The following RFX4 variants were observed in gnomAD, a reference collection of about 807,000 sequenced individuals.
RFX4 encodes the protein regulatory factor X4.
In RFX4, 10 loss-of-function variants were observed where a neutral mutation model predicts 95.0. That is an observed-to-expected ratio of 0.11 (90% CI 0.06 to 0.18). The LOEUF (loss-of-function observed/expected upper bound fraction) is 0.18. Ranked by LOEUF, RFX4 falls within the 10% of genes least tolerant of loss-of-function variation. The pLI is 1.00. For missense variants in RFX4, 640 were observed against 922.0 expected (o/e 0.69, Z 3.96); for synonymous variants, 321 against 340.7 (o/e 0.94, Z 0.64).
Position 106,747,482 on chromosome 12 carries a change from C to T in RFX4, c.1679C>T (p.Thr560Met), listed in dbSNP as rs757682336. 4.3e-6 allele frequency: 7 copies of T among 1,614,060 alleles called. No homozygotes were observed. Among genetic ancestry groups the T allele is most frequent in the Non-Finnish European group, 4.2e-6 (5 of 1,180,024 alleles). ...YTWSLTYTVT[T>M]AAGSPAENSQ... ...TGGTCTCTAACATACACAGTGACGACGGCTGCTGGGTCCCCAGCTGAGAAC... is the reference window on the plus strand; with the variant it reads ...TGGTCTCTAACATACACAGTGACGATGGCTGCTGGGTCCCCAGCTGAGAAC... The change falls in exon 16 of 18, where the codon ACG becomes ATG. Residue 560 changes from threonine (T) to methionine (M), a missense_variant. Thr to Met is a moderately conservative substitution (Grantham distance 81). Transcript: ENST00000392842.
At chr12:106,749,352 A>G (rs1481052996) in intron 16 of RFX4, among the ~76,000 whole-genome samples, 1 of 151,598 alleles carries the variant, frequency 6.6e-6, no homozygotes, top group Non-Finnish European at 1.5e-5. Flanking sequence ...TGTGGGGGAC[A>G]TGGGAGGAGG....
chr12:106,641,775 T>C (rs1319753511), intron 3 of RFX4, among the ~76,000 whole-genome samples: 1 of 152,130 alleles, frequency 6.6e-6, no homozygotes, highest in Non-Finnish European at 1.5e-5. Context: ...TATCTTTATA[T>C]TATATGTTTA....
intron 2 of RFX4, among the ~76,000 whole-genome samples, chr12:106,620,833 C>A (rs529012463): frequency 6.6e-6 from 1 of 152,090 alleles, no homozygotes; most frequent in East Asian, 1.9e-4. Flanking sequence ...TGTTTATAGA[C>A]CACCCCCCAG....
At chr12:106,685,628 T>G (rs2041629622) in intron 5 of RFX4, among the ~76,000 whole-genome samples, 1 of 152,194 alleles carries the variant, frequency 6.6e-6, no homozygotes, top group South Asian at 2.1e-4. Context: ...GAGTCTGTAT[T>G]TTTATTAAAC....
intron 2 of RFX4, among the ~76,000 whole-genome samples, chr12:106,609,525 G>T (rs1311262238): frequency 6.6e-6 from 1 of 152,134 alleles, no homozygotes; most frequent in Non-Finnish European, 1.5e-5. Flanking sequence ...TTCTTCCATG[G>T]TTGGTAAAGT....
chr12:106,696,166 G>C, intron 7 of RFX4, 117 bp from the exon 8 acceptor site: 1 of 1,223,690 alleles, frequency 8.2e-7, no homozygotes, highest in Non-Finnish European at 1.2e-6. Flanking sequence ...GACTTCTGCT[G>C]CCGCAGGGGA....
chr12:106,641,062 T>A (rs2040613236), intron 3 of RFX4, among the ~76,000 whole-genome samples: 1 of 152,162 alleles, frequency 6.6e-6, no homozygotes, highest in Non-Finnish European at 1.5e-5. Flanking sequence ...ATTACAGGTG[T>A]AAGCCACCAT....
chr12:106,590,317 C>A (rs556626021), intron 1 of RFX4, among the ~76,000 whole-genome samples: 24 of 152,324 alleles, frequency 1.6e-4, no homozygotes, highest in African/African-American at 5.5e-4. Flanking sequence ...CTTACTGTGT[C>A]TTCACTTTGC....
intron 2 of RFX4, among the ~76,000 whole-genome samples, chr12:106,627,770 T>C (rs1434601065): frequency 6.6e-6 from 1 of 152,032 alleles, no homozygotes; most frequent in African/African-American, 2.4e-5. Flanking sequence ...TTATCTGTTG[T>C]GGAGAGGAGA....
At chr12:106,685,314 A>G (rs1466659924) in intron 5 of RFX4, among the ~76,000 whole-genome samples, 1 of 152,106 alleles carries the variant, frequency 6.6e-6, no homozygotes, top group Non-Finnish European at 1.5e-5. Context: ...TCACTGGCTT[A>G]GTGGTTCAAA....
intron 8 of RFX4, among the ~76,000 whole-genome samples, chr12:106,705,253 C>T (rs891995708): frequency 3.3e-5 from 5 of 152,184 alleles, no homozygotes; most frequent in Admixed American, 2.0e-4. Context: ...CTGTTATCAC[C>T]GTTGTTGCAG....
intron 4 of RFX4, among the ~76,000 whole-genome samples, chr12:106,663,106 G>T (rs1388641312): frequency 6.6e-6 from 1 of 152,046 alleles, no homozygotes; most frequent in Non-Finnish European, 1.5e-5. Flanking sequence ...AACTTGCTGG[G>T]ATTCTGATTG....
intron 10 of RFX4, among the ~76,000 whole-genome samples, chr12:106,712,559 G>C (rs937955131): frequency 2.0e-5 from 3 of 152,042 alleles, no homozygotes; most frequent in African/African-American, 7.2e-5. Context: ...CCTGAAGGAG[G>C]GTCCCAGACC....
chr12:106,757,547 C>CAAA (rs559762867), intron 17 of RFX4, among the ~76,000 whole-genome samples: 2 of 56,592 alleles, frequency 3.5e-5, no homozygotes, highest in East Asian at 5.9e-4. Flanking sequence ...GACCCTGTCT[C>CAAA]AAAAAAAAAA....
rs1222001772 is a variant in RFX4 at position 106,614,497 on chromosome 12, G to GTGTGTT, written c.130+5619_130+5620insTTGTGT. On this transcript the variant is annotated intron_variant, in intron 2 of 17. Coordinates refer to ENST00000392842, the MANE Select transcript of RFX4 (RefSeq NM_213594.3). Reference sequence around the variant, plus strand: ...TTTGCCTGTGTGTGTGTGTGTGTGTGTGTGTGTGTGTGTGTGTGTGTGTTT... The same window carrying GTGTGTT: ...TTTGCCTGTGTGTGTGTGTGTGTGTGTGTGTTTGTGTGTGTGTGTGTGTGTGTGTTT... 1.2e-3 allele frequency among the ~76,000 whole-genome samples: 177 copies of GTGTGTT among 149,500 alleles called. 2 individuals carry two copies. The highest frequency in any genetic ancestry group is 4.1e-3 in the African/African-American group (165 of 40,268).
chr12:106,746,382 A>C (rs2042895970), intron 15 of RFX4, among the ~76,000 whole-genome samples: 1 of 151,732 alleles, frequency 6.6e-6, no homozygotes, highest in African/African-American at 2.4e-5. Flanking sequence ...AAAATTAAAA[A>C]TTAGCTGGGC....
At position 106,599,918 on chromosome 12, in the gene RFX4, C is replaced by T. The variant is rs192121320; in HGVS notation, c.44-8879C>T. 1.4e-3 allele frequency among the ~76,000 whole-genome samples: 207 copies of T among 152,146 alleles called. 3 individuals carry two copies. The highest frequency in any genetic ancestry group is 3.7e-4 in the Non-Finnish European group (25 of 68,004). ...ATAAGGGATACGGTCACCCTTACTC[C>T]GTGGCCTCCTCTTCCATTCTCTCCC... is the stretch of plus-strand genomic sequence containing the variant. On this transcript the variant is annotated intron_variant, in intron 1 of 17. Transcript: ENST00000392842.
chr12:106,625,239 C>T (rs1032188658), intron 2 of RFX4, among the ~76,000 whole-genome samples: 2 of 152,134 alleles, frequency 1.3e-5, no homozygotes, highest in African/African-American at 2.4e-5. Context: ...TGCTCTGTTA[C>T]GTCCCTTTAG....
At chr12:106,666,745 A>G (rs555503905) in intron 4 of RFX4, among the ~76,000 whole-genome samples, 4 of 152,228 alleles carry the variant, frequency 2.6e-5, no homozygotes, top group Admixed American at 1.3e-4. Context: ...GATCTTTAGC[A>G]TTTCTTTTTG....
Sources: gnomAD v4.1 joint callset for allele counts (sites outside exome capture counted in the v4.1 genomes callset) on GRCh38, gnomAD v4.1.1 for gene constraint, MANE v1.5 for transcripts, NCBI Gene and HGNC (gene_info 2026-07-23, HGNC 2026-07-21) for gene names.